LMO7: variants seen among roughly 807,000 people sequenced by gnomAD.
LMO7 encodes the protein LIM domain only protein 7.
A neutral mutation model predicts 206.5 loss-of-function variants in LMO7; 120 were observed. The ratio of observed to expected loss-of-function variants is 0.58; its 90% CI spans 0.50 to 0.68. The LOEUF (loss-of-function observed/expected upper bound fraction) is 0.68, where lower values mean the gene tolerates loss of function less well. Among genes scored for constraint, LMO7 ranks in the 30% least tolerant of loss-of-function variants. The probability of loss-of-function intolerance (pLI) is 0.00; values close to 1 mark genes in which losing one functional copy is unlikely to be tolerated. For synonymous variants in LMO7, 706 were observed against 681.5 expected, an observed-to-expected ratio of 1.04 and a Z score of -0.56; for missense variants, 1,959 against 1,957.9, an observed-to-expected ratio of 1.00 and a Z score of -0.01.
intron 15 of LMO7, among the ~76,000 whole-genome samples, chr13:75,829,597 T>C (rs2058455137): frequency 6.6e-6 from 1 of 152,216 alleles, no homozygotes; most frequent in South Asian, 2.1e-4. Flanking sequence ...GATTTACTTT[T>C]AGGGTTAACT....
intron 24 of LMO7, 125 bp downstream of exon 24, chr13:75,842,108 G>C: frequency 1.4e-6 from 1 of 694,782 alleles, no homozygotes; most frequent in Non-Finnish European, 2.4e-6. Flanking sequence ...AGCCACCAAA[G>C]AGAACCTTTA....
intron 1 of LMO7, among the ~76,000 whole-genome samples, chr13:75,681,223 T>C (rs2040457253): frequency 6.6e-6 from 1 of 152,218 alleles, no homozygotes; most frequent in Non-Finnish European, 1.5e-5. Flanking sequence ...GTTTTTGCCA[T>C]GAAATCTTTG....
chr13:75,636,791 T>G (rs961010198), intron 1 of LMO7, 65 bp downstream of exon 1: 1 of 1,454,984 alleles, frequency 6.9e-7, no homozygotes, highest in Non-Finnish European at 9.5e-7. Context: ...CGTCGCGAGG[T>G]GACTGCAGCC....
intron 3 of LMO7, among the ~76,000 whole-genome samples, chr13:75,737,425 A>G (rs918143816): frequency 6.6e-6 from 1 of 151,924 alleles, no homozygotes; most frequent in South Asian, 2.1e-4. Context: ...ATTAATACAG[A>G]TAGGTACATG....
At chr13:75,732,682 T>C (rs1172721601) in intron 3 of LMO7, among the ~76,000 whole-genome samples, 2 of 152,236 alleles carry the variant, frequency 1.3e-5, no homozygotes, top group Non-Finnish European at 2.9e-5. Flanking sequence ...CTGCGTTTCT[T>C]TGGAGGAGGA....
At chr13:75,686,870 T>A (rs998753878) in intron 1 of LMO7, among the ~76,000 whole-genome samples, 2 of 152,128 alleles carry the variant, frequency 1.3e-5, no homozygotes, top group Admixed American at 6.5e-5. Flanking sequence ...GACCACTTCC[T>A]GGTTCATAGC....
chr13:75,832,835 T>A (rs1402030389), intron 15 of LMO7, among the ~76,000 whole-genome samples: 2 of 152,106 alleles, frequency 1.3e-5, no homozygotes, highest in African/African-American at 4.8e-5. Context: ...GTAATGACAA[T>A]AAGATTTCCC....
chr13:75,694,075 G>GA (rs2041713811), intron 1 of LMO7, among the ~76,000 whole-genome samples: 2 of 152,114 alleles, frequency 1.3e-5, no homozygotes, highest in African/African-American at 4.8e-5. Context: ...GGAGAATACA[G>GA]AAAAAGATGT....
intron 11 of LMO7, among the ~76,000 whole-genome samples, chr13:75,812,493 T>A (rs1177308159): frequency 2.0e-5 from 3 of 152,192 alleles, no homozygotes; most frequent in Admixed American, 1.3e-4. Flanking sequence ...TCCATGATTT[T>A]ATATTTGAGA....
At chr13:75,832,825 G>A (rs1176089725) in intron 15 of LMO7, among the ~76,000 whole-genome samples, 1 of 152,146 alleles carries the variant, frequency 6.6e-6, no homozygotes, top group East Asian at 1.9e-4. Context: ...AGAAAAACAT[G>A]TAATGACAAT....
intron 1 of LMO7, among the ~76,000 whole-genome samples, chr13:75,659,145 C>G (rs1233120976): frequency 6.6e-6 from 1 of 152,094 alleles, no homozygotes; most frequent in Non-Finnish European, 1.5e-5. Flanking sequence ...AAAAATTTCT[C>G]TTTTCTACTT....
rs557403213 is a variant in LMO7, at chr13:75,700,715, A to G, written c.70-12467A>G. ...CGATCTGCAAACCAAGAAGACTGCTAAGAGACTCATGGGCAGGGAGCACAT... is the reference window on the plus strand; with the variant it reads ...CGATCTGCAAACCAAGAAGACTGCTGAGAGACTCATGGGCAGGGAGCACAT... On this transcript the variant is annotated intron_variant, in intron 1 of 30. Transcript: ENST00000377534. Among the ~76,000 whole-genome samples the G allele has an allele frequency of 1.6e-4, 25 of 152,244 alleles. 1 individual carries two copies. Among genetic ancestry groups the G allele is most frequent in the Non-Finnish European group, 1.9e-4 (13 of 68,044 alleles).
chr13:75,639,047 C>T (rs150839871), intron 1 of LMO7, among the ~76,000 whole-genome samples: 3,439 of 152,048 alleles, frequency 0.023, 138 homozygotes, highest in African/African-American at 0.077. Flanking sequence ...CATATATATT[C>T]GCAACTGCAG....
At chr13:75,749,461 C>T (rs958737795) in intron 3 of LMO7, among the ~76,000 whole-genome samples, 2 of 152,166 alleles carry the variant, frequency 1.3e-5, no homozygotes, top group African/African-American at 4.8e-5. Flanking sequence ...GAATCATATA[C>T]AAGACTGTCA....
At chr13:75,833,826 T>G (rs889352097) in intron 16 of LMO7, among the ~76,000 whole-genome samples, 1 of 152,130 alleles carries the variant, frequency 6.6e-6, no homozygotes, top group Non-Finnish European at 1.5e-5. Flanking sequence ...AGTTATGGAG[T>G]AATTTTAAGC....
chr13:75,805,110 C>A, intron 8 of LMO7: 23 of 1,030,890 alleles, frequency 2.2e-5, no homozygotes, highest in Non-Finnish European at 2.7e-5. Context: ...AATATTTTCT[C>A]CTGCTGATAT....
rs760276700 is a variant in LMO7, at chr13:75,817,217, G to A, written c.2003G>A (p.Arg668His). The change falls in exon 12 of 31, where the codon CGT (arginine) becomes CAT (histidine). Residue 668 changes from arginine (R) to histidine (H), a missense_variant. Physicochemically the swap from Arg to His is conservative, Grantham distance 29. Transcript: ENST00000377534. The part of the protein sequence containing the change: ...AEDVQNLRQL[R>H]YEEMQKIKSQ... ...GATGTTCAAAACTTGCGTCAGCTGCGTTACGAGGAGATGCAGAAAATAAAA... is the reference window on the plus strand; with the variant it reads ...GATGTTCAAAACTTGCGTCAGCTGCATTACGAGGAGATGCAGAAAATAAAA... 16 of 1,613,770 alleles carry A rather than the reference G, an allele frequency of 9.9e-6. No homozygotes were observed. Among genetic ancestry groups the A allele is most frequent in the South Asian group, 9.9e-5 (9 of 91,060 alleles).
At chr13:75,789,678 T>C (rs1025669075) in intron 4 of LMO7, among the ~76,000 whole-genome samples, 1 of 152,166 alleles carries the variant, frequency 6.6e-6, no homozygotes, top group Non-Finnish European at 1.5e-5. Context: ...GCAGACTCCT[T>C]AGAGCATAGT....
intron 2 of LMO7, among the ~76,000 whole-genome samples, chr13:75,713,522 T>TG (rs1301327980): frequency 2.0e-5 from 3 of 152,132 alleles, no homozygotes; most frequent in Admixed American, 6.6e-5. Flanking sequence ...GGTGGGCCAG[T>TG]GGGGGGTGGG....
Sources: gnomAD v4.1 joint callset for allele counts (sites outside exome capture counted in the v4.1 genomes callset) on GRCh38, gnomAD v4.1.1 for gene constraint, MANE v1.5 for transcripts, NCBI Gene and HGNC (gene_info 2026-07-23, HGNC 2026-07-21) for gene names.